The following CDK11B variants were observed in gnomAD, a reference collection of about 807,000 sequenced individuals.
The protein encoded by CDK11B is cyclin-dependent kinase 11B.
A neutral mutation model predicts 84.0 loss-of-function variants in CDK11B; 37 were observed. The observed-to-expected ratio is 0.44, with a 90% CI of 0.34 to 0.58. The LOEUF is 0.58. CDK11B is among the 20% of genes least tolerant of loss of function. The pLI, the probability that CDK11B is intolerant of heterozygous loss-of-function variation, is 0.02. For synonymous variants in CDK11B, 269 were observed against 309.8 expected (o/e 0.87, Z 1.38); for missense variants, 427 against 834.0 (o/e 0.51, Z 6.01).
At chr1:1,651,973 C>A (rs1242575864) in intron 4 of CDK11B, among the ~76,000 whole-genome samples, 85 of 150,110 alleles carry the variant, frequency 5.7e-4, no homozygotes, top group African/African-American at 2.0e-3. Context: ...CTCTGTATAG[C>A]CCTTCTGAAT....
intron 10 of CDK11B, 130 bp downstream of exon 10, chr1:1,640,918 C>A: frequency 1.6e-6 from 2 of 1,232,832 alleles, no homozygotes; most frequent in South Asian, 3.0e-5. Context: ...CAGCCTGGAG[C>A]GGCCAACGAA....
chr1:1,636,239 G>A lies in CDK11B; in HGVS notation c.2066+94C>T, dbSNP rs536003983. On this transcript the variant is annotated intron_variant, in intron 18 of 19. Transcript: ENST00000341832. ...GCATGGGACGCCAGGCACCAGAGCAGTTCTGGAACGTGGTGAGCCAGCAGG... is the reference window on the plus strand; with the variant it reads ...GCATGGGACGCCAGGCACCAGAGCAATTCTGGAACGTGGTGAGCCAGCAGG... 2.0e-3 allele frequency: 2,520 copies of A among 1,290,978 alleles called. 10 individuals carry two copies. The highest frequency in any genetic ancestry group is 1.8e-3 in the Non-Finnish European group (1,669 of 941,170). 80.0% of individuals were successfully genotyped at this position (1,290,978 alleles called of 1,614,324 possible).
At chr1:1,646,789 T>C (rs374522163) in intron 5 of CDK11B, 36 of 519,916 alleles carry the variant, frequency 6.9e-5, no homozygotes, top group African/African-American at 6.3e-4. Context: ...GATTCCTGGC[T>C]GATGGTTCTT....
At chr1:1,640,012 C>T (rs1342693480) in intron 11 of CDK11B, among the ~76,000 whole-genome samples, 18 of 151,112 alleles carry the variant, frequency 1.2e-4, no homozygotes, top group African/African-American at 4.2e-4. Context: ...GTGACAGCAG[C>T]GCGGCCGCAC....
chr1:1,643,481 G>A (rs1640560434), intron 6 of CDK11B, among the ~76,000 whole-genome samples: 3 of 151,150 alleles, frequency 2.0e-5, no homozygotes, highest in African/African-American at 5.0e-5. Context: ...CATTCAGAGG[G>A]GAAAAAAAGA....
At position 1,637,180 on chromosome 1, in the gene CDK11B, G is replaced by C; in HGVS notation, c.1593C>G (p.Ile531Met). 2 of 1,613,502 alleles carry C rather than the reference G, an allele frequency of 1.2e-6. No individual in the cohort carries two copies. Among genetic ancestry groups the C allele is most frequent in the Non-Finnish European group, 1.7e-6 (2 of 1,179,826 alleles). ...GGTGTTTCACCCCACGCAGCAGCTG[G>C]ATCATCAGGGTCTTCACCTCCCCTG... ...FLPGEVKTLM[I>M]QLLRGVKHLH... The change falls in exon 15 of 20, where the codon ATC becomes ATG. Residue 531 changes from isoleucine (I) to methionine (M), a missense_variant. Transcript: ENST00000341832.
rs200429680 is a variant in CDK11B at position 1,641,723 on chromosome 1, TTCC to T, written c.945_947del (p.Glu323del). On this transcript the variant is annotated inframe_deletion, in exon 9 of 20. Transcript: ENST00000341832. ...CGGTCTCCTCCTCCTCCTCTTCCTCTTCCTCCTCCTCCTCCTCTGATTCTTCAC... is the reference window on the plus strand; with the variant it reads ...CGGTCTCCTCCTCCTCCTCTTCCTCTTCCTCCTCCTCCTCTGATTCTTCAC... 4.7e-4 allele frequency: 399 copies of T among 849,948 alleles called. 1 individual carries two copies. Among genetic ancestry groups the T allele is most frequent in the Middle Eastern group, 6.7e-4 (2 of 2,972 alleles). The allele number at this position is 849,948 out of a possible 1,614,324, so 52.7% of individuals were successfully genotyped here.
intron 4 of CDK11B, among the ~76,000 whole-genome samples, chr1:1,650,045 G>A (rs1374015316): frequency 1.1e-4 from 16 of 151,066 alleles, no homozygotes; most frequent in South Asian, 8.4e-4. Context: ...AGGCCGAGGT[G>A]GGCGGATCAC....
chr1:1,640,896 G>A (rs1350350689), intron 10 of CDK11B, among the ~76,000 whole-genome samples, 152 bp downstream of exon 10: 13 of 150,982 alleles, frequency 8.6e-5, no homozygotes, highest in Admixed American at 8.5e-4. Flanking sequence ...AGGAATGCGG[G>A]CCCCACCGGC....
intron 2 of CDK11B, chr1:1,657,130 A>G (rs1455705276): frequency 2.4e-6 from 3 of 1,235,540 alleles, no homozygotes; most frequent in Admixed American, 3.9e-5. Flanking sequence ...ATGACTTAAC[A>G]TTCAACGTAT....
chr1:1,652,774 G>A (rs1307910766), intron 3 of CDK11B, among the ~76,000 whole-genome samples: 5 of 150,860 alleles, frequency 3.3e-5, no homozygotes, highest in East Asian at 2.0e-4. Context: ...TCTGTTGCCC[G>A]GGCTATAGTG....
intron 9 of CDK11B, among the ~76,000 whole-genome samples, chr1:1,641,427 T>G (rs568265882): frequency 6.8e-6 from 1 of 147,486 alleles, no homozygotes; most frequent in Non-Finnish European, 1.5e-5. Context: ...GAGGATCACT[T>G]GAACCCGGGA....
chr1:1,648,923 C>T (rs143762478), intron 5 of CDK11B, among the ~76,000 whole-genome samples: 3,313 of 152,162 alleles, frequency 0.022, 102 homozygotes, highest in African/African-American at 0.071. Flanking sequence ...CATGAGCCAC[C>T]GCGCCCGGCC....
chr1:1,641,283 T>A, intron 9 of CDK11B, among the ~76,000 whole-genome samples, 170 bp from the exon 10 acceptor site: 1 of 146,292 alleles, frequency 6.8e-6, no homozygotes. Flanking sequence ...CCAAGGCGGG[T>A]GGATCACCTG....
chr1:1,654,830 C>T (rs183302440), intron 3 of CDK11B, among the ~76,000 whole-genome samples: 3 of 150,938 alleles, frequency 2.0e-5, no homozygotes, highest in East Asian at 3.9e-4. Flanking sequence ...GGCTAATTTT[C>T]TGTATTTTTA....
rs202232533 is a variant in CDK11B at position 1,655,293 on chromosome 1, C to A, written c.227+76G>T. 33 of 1,524,480 alleles carry A rather than the reference C, an allele frequency of 2.2e-5. 1 individual carries two copies. In the East Asian group the frequency reaches 6.5e-4, roughly 30 times the overall value. The allele number at this position is 1,524,480 out of a possible 1,614,324, so 94.4% of individuals were successfully genotyped here. ...AATAGTTACAACAGCACACAGTTGT[C>A]ACAGCGACCCTAGGAAGGACCGGCC... On this transcript the variant is annotated intron_variant, in intron 3 of 19. Transcript: ENST00000341832.
At chr1:1,650,158 T>A (rs1641764565) in intron 4 of CDK11B, among the ~76,000 whole-genome samples, 1 of 142,020 alleles carries the variant, frequency 7.0e-6, no homozygotes, top group Non-Finnish European at 1.5e-5. Flanking sequence ...TAGTCCCAGC[T>A]ACTCGGGAGG....
At chr1:1,649,830 C>T (rs1230152061) in intron 4 of CDK11B, among the ~76,000 whole-genome samples, 193 bp from the exon 5 acceptor site, 5 of 151,284 alleles carry the variant, frequency 3.3e-5, no homozygotes, top group Non-Finnish European at 5.9e-5. Flanking sequence ...CAAAAATTAG[C>T]TGGGCGTGGT....
intron 1 of CDK11B, among the ~76,000 whole-genome samples, chr1:1,657,848 T>G (rs1642959667): frequency 1.9e-5 from 2 of 104,970 alleles, no homozygotes; most frequent in African/African-American, 8.8e-5. Flanking sequence ...AAGGCTGCAA[T>G]GAGCCAAGAC....
Sources: allele counts gnomAD v4.1 joint callset (sites outside exome capture counted in the v4.1 genomes callset), GRCh38; gene constraint gnomAD v4.1.1; transcripts MANE v1.5; gene names NCBI Gene and HGNC (gene_info 2026-07-23, HGNC 2026-07-21).